The following GPC6 variants were observed in gnomAD, a reference collection of about 807,000 sequenced individuals.
GPC6 encodes the protein glypican-6.
In GPC6, 14 loss-of-function variants were observed where a neutral mutation model predicts 55.2. The observed-to-expected ratio is 0.25, with a 90% CI of 0.17 to 0.40. The LOEUF is 0.40. GPC6 is among the 10% of genes least tolerant of loss of function. The pLI is 1.00. For synonymous variants in GPC6, 278 were observed against 259.6 expected (o/e 1.07, Z -0.68); for missense variants, 641 against 708.5 (o/e 0.90, Z 1.08).
intron 3 of GPC6, among the ~76,000 whole-genome samples, chr13:93,916,068 G>A (rs149900079): frequency 2.6e-5 from 4 of 152,004 alleles, no homozygotes; most frequent in African/African-American, 4.8e-5. Context: ...CCAGCATCAC[G>A]GGAGTAGGCA....
intron 1 of GPC6, among the ~76,000 whole-genome samples, chr13:93,528,700 A>G (rs1282845722): frequency 6.6e-6 from 1 of 152,216 alleles, no homozygotes; most frequent in Non-Finnish European, 1.5e-5. Context: ...GAAATTTGCA[A>G]CATATTTATA....
intron 4 of GPC6, among the ~76,000 whole-genome samples, chr13:94,265,080 C>A (rs1252094317): frequency 6.6e-6 from 1 of 152,086 alleles, no homozygotes; most frequent in Non-Finnish European, 1.5e-5. Flanking sequence ...GGGGACACTG[C>A]CAGACCATAT....
chr13:94,019,789 T>C (rs1882626826), intron 3 of GPC6, among the ~76,000 whole-genome samples: 1 of 152,226 alleles, frequency 6.6e-6, no homozygotes, highest in South Asian at 2.1e-4. Context: ...AGGATTCTAT[T>C]TAATCCACCA....
At chr13:93,956,917 A>G in intron 3 of GPC6, among the ~76,000 whole-genome samples, 1 of 152,220 alleles carries the variant, frequency 6.6e-6, no homozygotes, top group East Asian at 1.9e-4. Flanking sequence ...GAATCTAGAT[A>G]AAAACAGCCG....
At chr13:93,380,734 A>G (rs1229961363) in intron 1 of GPC6, among the ~76,000 whole-genome samples, 1 of 152,154 alleles carries the variant, frequency 6.6e-6, no homozygotes, top group Non-Finnish European at 1.5e-5. Flanking sequence ...AATACTCTGC[A>G]CTATATGCCT....
chr13:93,261,517 G>A (rs1338384183), intron 1 of GPC6, among the ~76,000 whole-genome samples: 3 of 152,070 alleles, frequency 2.0e-5, no homozygotes, highest in Non-Finnish European at 4.4e-5. Flanking sequence ...ACATTCGAAG[G>A]CATAAGAAGA....
chr13:94,160,415 T>C (rs933699253), intron 4 of GPC6, among the ~76,000 whole-genome samples: 17 of 152,246 alleles, frequency 1.1e-4, no homozygotes, highest in African/African-American at 3.1e-4. Context: ...GTAAAGCATT[T>C]ACAAGCACCA....
chr13:93,997,163 CA>C (rs1391381575), intron 3 of GPC6, among the ~76,000 whole-genome samples: 1 of 151,994 alleles, frequency 6.6e-6, no homozygotes, highest in Non-Finnish European at 1.5e-5. Flanking sequence ...CATCTTTTAC[CA>C]GTAGGTTTTG....
intron 3 of GPC6, among the ~76,000 whole-genome samples, chr13:93,893,454 C>T (rs1045609688): frequency 6.6e-6 from 1 of 152,130 alleles, no homozygotes; most frequent in African/African-American, 2.4e-5. Context: ...CTAAAACAAT[C>T]TATTAATGCC....
intron 3 of GPC6, among the ~76,000 whole-genome samples, chr13:93,960,382 G>C (rs924231719): frequency 2.6e-5 from 4 of 152,202 alleles, no homozygotes; most frequent in Non-Finnish European, 5.9e-5. Flanking sequence ...GTAGGCGGTA[G>C]TGTGTTTTGC....
intron 3 of GPC6, among the ~76,000 whole-genome samples, chr13:93,843,654 T>C (rs966967892): frequency 6.6e-6 from 1 of 152,204 alleles, no homozygotes; most frequent in African/African-American, 2.4e-5. Context: ...ACATAAAATA[T>C]GGATTTCTAC....
chr13:93,980,023 T>C (rs1880721893), intron 3 of GPC6, among the ~76,000 whole-genome samples: 1 of 152,172 alleles, frequency 6.6e-6, no homozygotes, highest in Non-Finnish European at 1.5e-5. Context: ...CTTCTAGCTC[T>C]CAGGCAACCT....
At chr13:93,411,199 A>G (rs1022639078) in intron 1 of GPC6, among the ~76,000 whole-genome samples, 4 of 152,180 alleles carry the variant, frequency 2.6e-5, no homozygotes, top group African/African-American at 9.7e-5. Flanking sequence ...ATCTGCTAAT[A>G]TGGCCCTACT....
At chr13:93,449,091 T>A (rs1284277794) in intron 1 of GPC6, among the ~76,000 whole-genome samples, 1 of 152,174 alleles carries the variant, frequency 6.6e-6, no homozygotes, top group Non-Finnish European at 1.5e-5. Context: ...AGAGCAGGGA[T>A]AGATATAGTA....
Position 93,505,881 on chromosome 13 carries a change from A to T in GPC6, c.161-39382A>T, listed in dbSNP as rs9589755. On this transcript the variant is annotated intron_variant, in intron 1 of 8. Transcript: ENST00000377047. The stretch of plus-strand genomic sequence containing the variant: ...GGGACATAGGAATAAATTGTAGTGA[A>T]TAAGAAGATTTGCAAAACAGGACCT... Among the ~76,000 whole-genome samples the T allele has an allele frequency of 2.5e-3, 381 of 152,330 alleles. 1 individual carries two copies. Among genetic ancestry groups the T allele is most frequent in the African/African-American group, 8.8e-3 (366 of 41,560 alleles).
At chr13:94,329,568 A>T (rs1012618261) in intron 6 of GPC6, among the ~76,000 whole-genome samples, 6 of 152,234 alleles carry the variant, frequency 3.9e-5, no homozygotes, top group African/African-American at 1.4e-4. Context: ...CAGGATCTGC[A>T]GACAGTGAGA....
At chr13:93,525,159 G>T (rs913189660) in intron 1 of GPC6, among the ~76,000 whole-genome samples, 2 of 151,970 alleles carry the variant, frequency 1.3e-5, no homozygotes, top group African/African-American at 4.8e-5. Context: ...ATCATGAAAA[G>T]CAAAATTAAT....
At chr13:94,168,744 A>G (rs1401278440) in intron 4 of GPC6, among the ~76,000 whole-genome samples, 2 of 148,862 alleles carry the variant, frequency 1.3e-5, no homozygotes, top group Non-Finnish European at 3.0e-5. Flanking sequence ...ATTATATTTT[A>G]CAACTGAATT....
At chr13:94,258,085 C>T (rs1277796396) in intron 4 of GPC6, among the ~76,000 whole-genome samples, 2 of 151,968 alleles carry the variant, frequency 1.3e-5, no homozygotes, top group African/African-American at 4.8e-5. Context: ...AAATTTTACC[C>T]ACCAAGATTA....
Sources: allele counts gnomAD v4.1 joint callset (sites outside exome capture counted in the v4.1 genomes callset), GRCh38; gene constraint gnomAD v4.1.1; transcripts MANE v1.5; gene names NCBI Gene and HGNC (gene_info 2026-07-23, HGNC 2026-07-21).